SPOCK3: variants seen among roughly 807,000 people sequenced by gnomAD.
SPOCK3 encodes the protein testican-3.
In SPOCK3, 30 loss-of-function variants were observed where a neutral mutation model predicts 56.6. The ratio of observed to expected loss-of-function variants is 0.53; its 90% CI spans 0.40 to 0.72. The LOEUF (loss-of-function observed/expected upper bound fraction) is 0.72. Ranked by LOEUF, SPOCK3 falls within the 30% of genes least tolerant of loss-of-function variation. The pLI is 0.00. For synonymous variants in SPOCK3, 196 were observed against 183.3 expected, an observed-to-expected ratio of 1.07 and a Z score of -0.56; for missense variants, 527 against 530.0, an observed-to-expected ratio of 0.99 and a Z score of 0.06.
chr4:166,865,961 C>T (rs900525497), intron 6 of SPOCK3, among the ~76,000 whole-genome samples: 1 of 152,100 alleles, frequency 6.6e-6, no homozygotes, highest in Non-Finnish European at 1.5e-5. Context: ...AAAGAAGACC[C>T]CTTGTAGCCA....
At chr4:166,783,661 G>T (rs1287529743) in intron 7 of SPOCK3, among the ~76,000 whole-genome samples, 1 of 152,024 alleles carries the variant, frequency 6.6e-6, no homozygotes, top group African/African-American at 2.4e-5. Context: ...GTATTGGCTA[G>T]CATATGGTTC....
chr4:166,931,130 C>T lies in SPOCK3; in HGVS notation c.351-18387G>A, dbSNP rs182290164. Among the ~76,000 whole-genome samples, 379 of 152,228 alleles carry T rather than the reference C, an allele frequency of 2.5e-3. 1 individual carries two copies. Among genetic ancestry groups the T allele is most frequent in the African/African-American group, 8.2e-3 (339 of 41,550 alleles). ...CCGAGCAGCTGAGATGACAGGCGCC[C>T]GCCACCACGCCCAGCTAATTTTTGC... On this transcript the variant is annotated intron_variant, in intron 4 of 10. Coordinates refer to ENST00000357545, the MANE Select transcript of SPOCK3 (RefSeq NM_001040159.2).
intron 3 of SPOCK3, among the ~76,000 whole-genome samples, chr4:167,054,994 A>G (rs985296598): frequency 2.6e-5 from 4 of 152,174 alleles, no homozygotes; most frequent in Non-Finnish European, 5.9e-5. Flanking sequence ...CATTGGTGAT[A>G]CCTTAATTTC....
At chr4:166,742,387 A>G (rs1026052789) in intron 8 of SPOCK3, among the ~76,000 whole-genome samples, 3 of 152,136 alleles carry the variant, frequency 2.0e-5, no homozygotes, top group Non-Finnish European at 4.4e-5. Flanking sequence ...AAAAGTATAA[A>G]AGATACTTAT....
chr4:166,744,090 G>A (rs1160047614), intron 8 of SPOCK3, among the ~76,000 whole-genome samples: 1 of 152,190 alleles, frequency 6.6e-6, no homozygotes, highest in Non-Finnish European at 1.5e-5. Context: ...CTGTCTGACA[G>A]CTTTGAAGAG....
intron 4 of SPOCK3, among the ~76,000 whole-genome samples, chr4:166,955,959 C>T (rs924081566): frequency 8.6e-5 from 13 of 151,952 alleles, no homozygotes; most frequent in African/African-American, 3.1e-4. Flanking sequence ...CTATAGACCC[C>T]ATACTGTCAT....
intron 4 of SPOCK3, among the ~76,000 whole-genome samples, chr4:166,923,971 T>C (rs1383723313): frequency 6.6e-6 from 1 of 152,184 alleles, no homozygotes; most frequent in East Asian, 1.9e-4. Context: ...GGTTTCTTTT[T>C]GTTCTTTTGC....
intron 6 of SPOCK3, among the ~76,000 whole-genome samples, chr4:166,871,753 AC>A (rs1477967844): frequency 6.6e-6 from 1 of 151,634 alleles, no homozygotes; most frequent in African/African-American, 2.4e-5. Context: ...CAAGAAAATT[AC>A]AAACTAAAAT....
chr4:166,945,944 T>C (rs7682844), intron 4 of SPOCK3, among the ~76,000 whole-genome samples: 12,446 of 152,194 alleles, frequency 0.082, 629 homozygotes, highest in African/African-American at 0.14. Flanking sequence ...TGTTCAGAAG[T>C]AGTAAAAGAG....
At chr4:167,013,850 A>C (rs2150149508) in intron 3 of SPOCK3, among the ~76,000 whole-genome samples, 1 of 152,256 alleles carries the variant, frequency 6.6e-6, no homozygotes, top group East Asian at 1.9e-4. Context: ...AATTGGAAAA[A>C]CTGGGCTATT....
chr4:167,186,653 CA>C (rs70957818), intron 2 of SPOCK3, among the ~76,000 whole-genome samples: 2 of 150,986 alleles, frequency 1.3e-5, no homozygotes, highest in Admixed American at 6.6e-5. Context: ...ACAACAACAA[CA>C]AAAAAAACAG....
intron 7 of SPOCK3, among the ~76,000 whole-genome samples, chr4:166,774,056 T>C (rs1367838709): frequency 1.3e-5 from 2 of 152,216 alleles, no homozygotes; most frequent in Non-Finnish European, 2.9e-5. Context: ...TATAAGATAA[T>C]TGGCATTGCA....
intron 2 of SPOCK3, among the ~76,000 whole-genome samples, chr4:167,205,340 A>ATTATATATAAAATATATATATTATATATT (rs1734036577): frequency 7.4e-5 from 3 of 40,396 alleles, no homozygotes; most frequent in Non-Finnish European, 1.2e-4. Flanking sequence ...TATATTATAT[A>ATTATATATAAAATATATATATTATATATT]TTATATATAT....
chr4:167,112,294 T>C (rs1760970077), intron 2 of SPOCK3, among the ~76,000 whole-genome samples: 1 of 152,152 alleles, frequency 6.6e-6, no homozygotes, highest in South Asian at 2.1e-4. Flanking sequence ...CAAAGTGTTC[T>C]AAAAATGACT....
At chr4:167,200,742 T>C (rs959850483) in intron 2 of SPOCK3, among the ~76,000 whole-genome samples, 3 of 152,034 alleles carry the variant, frequency 2.0e-5, no homozygotes, top group Admixed American at 1.3e-4. Flanking sequence ...GAAAACAAGT[T>C]GGAAATTCTG....
intron 4 of SPOCK3, among the ~76,000 whole-genome samples, chr4:166,989,092 C>G (rs1011024188): frequency 2.6e-5 from 4 of 151,928 alleles, no homozygotes; most frequent in South Asian, 2.1e-4. Context: ...GTACTCTACC[C>G]CTACAGATGT....
chr4:167,174,277 T>C (rs963147888), intron 2 of SPOCK3, among the ~76,000 whole-genome samples: 2 of 152,050 alleles, frequency 1.3e-5, no homozygotes, highest in African/African-American at 2.4e-5. Context: ...TTTAAAATCA[T>C]ACTGTATTTT....
intron 2 of SPOCK3, among the ~76,000 whole-genome samples, chr4:167,126,108 G>C (rs974845213): frequency 6.6e-6 from 1 of 152,140 alleles, no homozygotes. Context: ...AAAAAGAAAA[G>C]AGTGAAAATT....
intron 6 of SPOCK3, among the ~76,000 whole-genome samples, chr4:166,856,183 G>A (rs1028753227): frequency 2.0e-5 from 3 of 151,942 alleles, no homozygotes; most frequent in Admixed American, 6.6e-5. Context: ...GGAGGAGGAG[G>A]AGGAAGTGGA....
Sources: allele counts gnomAD v4.1 joint callset (sites outside exome capture counted in the v4.1 genomes callset), GRCh38; gene constraint gnomAD v4.1.1; transcripts MANE v1.5; gene names NCBI Gene and HGNC (gene_info 2026-07-23, HGNC 2026-07-21).